The following ZMYM2 variants were observed in gnomAD, a reference collection of about 807,000 sequenced individuals.
ZMYM2 encodes the protein zinc finger MYM-type protein 2.
In ZMYM2, 56 loss-of-function variants were observed where a neutral mutation model predicts 162.8. That is an observed-to-expected ratio of 0.34 (90% CI 0.28 to 0.43). ZMYM2 has a LOEUF of 0.43. ZMYM2 is among the 20% of genes least tolerant of loss of function. ZMYM2 has a pLI of 1.00. For missense variants in ZMYM2, 1,275 were observed against 1,621.8 expected (o/e 0.79, Z 3.67); for synonymous variants, 510 against 541.6 (o/e 0.94, Z 0.81).
intron 14 of ZMYM2, 90 bp from the exon 15 acceptor site, chr13:20,058,485 C>T: frequency 6.9e-7 from 1 of 1,453,636 alleles, no homozygotes; most frequent in Non-Finnish European, 9.2e-7. Flanking sequence ...TTGTGTGTTC[C>T]CTTCTTAGGA....
chr13:19,956,931 T>C (rs1954552227), upstream of ZMYM2, among the ~76,000 whole-genome samples: 1 of 152,216 alleles, frequency 6.6e-6, no homozygotes, highest in Non-Finnish European at 1.5e-5. Context: ...TCTGTTGTGA[T>C]GATAGTTTTT....
At chr13:20,058,758 T>C (rs2140729491) in intron 15 of ZMYM2, 54 bp downstream of exon 15, 1 of 1,594,558 alleles carries the variant, frequency 6.3e-7, no homozygotes, top group Non-Finnish European at 8.6e-7. Context: ...TCTCACCTAA[T>C]GAAATACATG....
At chr13:19,912,052 C>A in the ZMYM2 span, among the ~76,000 whole-genome samples, 1 of 152,132 alleles carries the variant, frequency 6.6e-6, no homozygotes. Context: ...GGTGATGACT[C>A]CAATTGCAAC....
the ZMYM2 span, among the ~76,000 whole-genome samples, chr13:19,894,310 C>T: frequency 6.6e-6 from 1 of 151,578 alleles, no homozygotes; most frequent in African/African-American, 2.4e-5. Flanking sequence ...AAATCATCTA[C>T]TGCAAGGCCT....
chr13:20,016,325 T>C (rs115754879), intron 6 of ZMYM2, among the ~76,000 whole-genome samples: 4 of 152,304 alleles, frequency 2.6e-5, no homozygotes, highest in African/African-American at 9.6e-5. Context: ...TTTTTAAGCA[T>C]TGTATTCCCA....
At chr13:20,058,018 T>G (rs994529377) in intron 14 of ZMYM2, among the ~76,000 whole-genome samples, 1 of 152,202 alleles carries the variant, frequency 6.6e-6, no homozygotes, top group Non-Finnish European at 1.5e-5. Context: ...GTGTGAAATA[T>G]CTGAGAGACT....
chr13:19,939,394 T>TTA, the ZMYM2 span, among the ~76,000 whole-genome samples: 2 of 152,200 alleles, frequency 1.3e-5, no homozygotes, highest in East Asian at 1.9e-4. Context: ...TAATATTATG[T>TTA]TATATATATG....
chr13:20,051,057 G>A (rs1457100141), intron 12 of ZMYM2, among the ~76,000 whole-genome samples: 2 of 151,844 alleles, frequency 1.3e-5, no homozygotes, highest in African/African-American at 4.8e-5. Flanking sequence ...TGGGAAATCC[G>A]TTCATTACTC....
chr13:19,904,831 C>G, the ZMYM2 span, among the ~76,000 whole-genome samples: 1 of 152,062 alleles, frequency 6.6e-6, no homozygotes, highest in African/African-American at 2.4e-5. Flanking sequence ...ATAATGTTTT[C>G]AAGTCTCACC....
At chr13:19,879,511 G>C in the ZMYM2 span, among the ~76,000 whole-genome samples, 1 of 152,134 alleles carries the variant, frequency 6.6e-6, no homozygotes, top group Non-Finnish European at 1.5e-5. Context: ...ATTGATCTAT[G>C]TGTCTGTTAT....
intron 12 of ZMYM2, among the ~76,000 whole-genome samples, chr13:20,043,240 C>A (rs74035480): frequency 2.0e-5 from 3 of 152,100 alleles, no homozygotes; most frequent in African/African-American, 7.2e-5. Context: ...GGGAGACTGA[C>A]GTGTTTGGGG....
rs191664062 is a variant in ZMYM2 at position 20,042,545 on chromosome 13, T to C, written c.2292+5636T>C. The stretch of plus-strand genomic sequence containing the variant: ...CATATTCTGAATTCTATTTCTGTTA[T>C]TTCAGCCATCTCTGCCTGATTCAGA... On this transcript the variant is annotated intron_variant, in intron 12 of 24. Transcript: ENST00000610343. Among the ~76,000 whole-genome samples, 513 of 152,184 alleles carry C rather than the reference T, an allele frequency of 3.4e-3. 3 individuals are homozygous for C. The highest frequency in any genetic ancestry group is 0.012 in the African/African-American group (498 of 41,520).
intron 12 of ZMYM2, among the ~76,000 whole-genome samples, chr13:20,039,341 T>C (rs1954017058): frequency 6.6e-6 from 1 of 152,170 alleles, no homozygotes; most frequent in African/African-American, 2.4e-5. Context: ...GGCATCCTTG[T>C]CTTACACCAG....
chr13:19,996,683 C>T (rs1032589210), intron 3 of ZMYM2, among the ~76,000 whole-genome samples: 39 of 152,136 alleles, frequency 2.6e-4, no homozygotes. Flanking sequence ...CACCACTGCA[C>T]TCCAGCCTGG....
At chr13:19,897,501 A>G in the ZMYM2 span, among the ~76,000 whole-genome samples, 1 of 152,008 alleles carries the variant, frequency 6.6e-6, no homozygotes, top group African/African-American at 2.4e-5. Flanking sequence ...ACAGGCGGGT[A>G]AGTGGGCAGG....
At chr13:20,049,820 G>C (rs530131873) in intron 12 of ZMYM2, among the ~76,000 whole-genome samples, 27 of 151,998 alleles carry the variant, frequency 1.8e-4, no homozygotes, top group Non-Finnish European at 3.8e-4. Flanking sequence ...TAGTCAGGCT[G>C]TAACTCTACT....
chr13:19,979,604 G>A (rs1370317186), intron 2 of ZMYM2, among the ~76,000 whole-genome samples: 1 of 152,146 alleles, frequency 6.6e-6, no homozygotes, highest in African/African-American at 2.4e-5. Context: ...AGGGAAAGCT[G>A]CTCCTGCCCA....
chr13:19,881,662 G>C, the ZMYM2 span, among the ~76,000 whole-genome samples: 6 of 151,422 alleles, frequency 4.0e-5, no homozygotes, highest in South Asian at 2.1e-4. Flanking sequence ...AAACAAATGA[G>C]AGTAGGACAA....
At chr13:19,961,068 C>A (rs1955154857) in intron 2 of ZMYM2, among the ~76,000 whole-genome samples, 1 of 151,940 alleles carries the variant, frequency 6.6e-6, no homozygotes, top group Middle Eastern at 3.4e-3. Flanking sequence ...CAGGGTAATA[C>A]CTATGGCGTG....
Sources: allele counts gnomAD v4.1 joint callset (sites outside exome capture counted in the v4.1 genomes callset), GRCh38; gene constraint gnomAD v4.1.1; transcripts MANE v1.5; gene names NCBI Gene and HGNC (gene_info 2026-07-23, HGNC 2026-07-21).